Variants in PTOV1 observed in about 807,000 individuals in gnomAD.
The protein encoded by PTOV1 is PTOV1 extended AT-hook containing adaptor protein, also known as prostate tumor-overexpressed gene 1 protein.
A neutral mutation model predicts 58.0 loss-of-function variants in PTOV1; 20 were observed. The observed-to-expected ratio is 0.34, with a 90% CI of 0.24 to 0.50. The LOEUF (loss-of-function observed/expected upper bound fraction) is 0.50. Ranked by LOEUF, PTOV1 falls within the 20% of genes least tolerant of loss-of-function variation. The probability of loss-of-function intolerance (pLI) is 0.98; values close to 1 mark genes in which losing one functional copy is unlikely to be tolerated. For synonymous variants in PTOV1, 335 were observed against 234.2 expected, an observed-to-expected ratio of 1.43 and a Z score of -3.93; for missense variants, 593 against 565.4, an observed-to-expected ratio of 1.05 and a Z score of -0.50.
chr19:49,852,636 G>A (rs917400097), intron 1 of PTOV1: 1 of 152,166 alleles, frequency 6.6e-6, no homozygotes, highest in Non-Finnish European at 1.5e-5. Context: ...TGGGTTTTAG[G>A]CAAGCATATG....
At chr19:49,857,355 GGA>G in intron 6 of PTOV1, 4 of 650,358 alleles carry the variant, frequency 6.2e-6, no homozygotes, top group Non-Finnish European at 1.0e-5. Context: ...GCGGCGGCAG[GGA>G]AGCCAGCGGA....
chr19:49,851,248 G>A, exon 1 of PTOV1: 2 of 1,123,054 alleles, frequency 1.8e-6, no homozygotes, highest in Non-Finnish European at 2.2e-6. Context: ...GCGCGCCCGC[G>A]CCCGCGCCCC....
intron 5 of PTOV1, chr19:49,855,298 T>A: frequency 1.8e-6 from 1 of 570,002 alleles, no homozygotes; most frequent in South Asian, 2.0e-5. Flanking sequence ...TCTGCATCTG[T>A]GCCCAGCTTC....
At chr19:49,857,027 T>C (rs1422645024) in exon 6 of PTOV1, 1 of 1,614,018 alleles carries the variant, frequency 6.2e-7, no homozygotes. Context: ...CGCGTGCTCA[T>C]GCTCCTGTAC....
intron 8 of PTOV1, 33 bp from the exon 9 acceptor site, chr19:49,858,024 G>A: frequency 6.2e-7 from 1 of 1,613,706 alleles, no homozygotes; most frequent in South Asian, 1.1e-5. Context: ...GGGAGCTGGG[G>A]CTTCCTGACC....
intron 6 of PTOV1, 134 bp downstream of exon 6, chr19:49,857,264 G>A (rs2074513866): frequency 7.7e-7 from 1 of 1,293,170 alleles, no homozygotes; most frequent in Non-Finnish European, 1.1e-6. Context: ...GAGCCCGGAG[G>A]ATGCCGGGCG....
chr19:49,855,559 A>G lies in PTOV1; in HGVS notation c.558+482A>G, dbSNP rs571560529. On this transcript the variant is annotated intron_variant, in intron 5 of 11. Coordinates refer to ENST00000391842, the Ensembl canonical transcript of PTOV1. Reference sequence around the variant, plus strand: ...GGGTGCTGAAGCAGGCGCGGTGAGTAGGTCCTCAGGCCTGGCTCCAAGGGG... The same window carrying G: ...GGGTGCTGAAGCAGGCGCGGTGAGTGGGTCCTCAGGCCTGGCTCCAAGGGG... 7.5e-5 allele frequency: 14 copies of G among 187,130 alleles called. No homozygotes were observed. The East Asian group carries it at 1.8e-3, about 25-fold the overall frequency. The allele number at this position is 187,130 out of a possible 1,614,324, so 11.6% of individuals were successfully genotyped here.
At position 49,854,368 on chromosome 19, in the gene PTOV1, G is replaced by A. The variant is rs199978768; in HGVS notation, c.172-38G>A. 2.2e-4 allele frequency: 351 copies of A among 1,584,996 alleles called. 2 individuals carry two copies. The African/African-American group carries it at 4.3e-3, about 19-fold the overall frequency. Reference sequence around the variant, plus strand: ...GGGACTGCCTGTCCTTGCAGGCCCCGGCCTCAGTTTTCCCACCTATCCCCC... The same window carrying A: ...GGGACTGCCTGTCCTTGCAGGCCCCAGCCTCAGTTTTCCCACCTATCCCCC... On this transcript the variant is annotated intron_variant, in intron 1 of 11. Transcript: ENST00000391842.
chr19:49,850,929 G>T (rs983432598), upstream of PTOV1: 1 of 1,535,810 alleles, frequency 6.5e-7, no homozygotes, highest in African/African-American at 1.4e-5. Context: ...GCTTGGTGTC[G>T]CCTTCGTTCT....
exon 5 of PTOV1, chr19:49,855,033 T>G: frequency 1.2e-6 from 2 of 1,600,436 alleles, no homozygotes; most frequent in Non-Finnish European, 1.7e-6. Context: ...CAACAGAGAC[T>G]GCGACTCGCT....
At chr19:49,855,385 C>T (rs2074418429) in intron 5 of PTOV1, 1 of 429,134 alleles carries the variant, frequency 2.3e-6, no homozygotes, top group Non-Finnish European at 4.4e-6. Context: ...GTCGGGGACA[C>T]ATAGCGTATG....
intron 1 of PTOV1, among the ~76,000 whole-genome samples, chr19:49,853,895 C>T (rs2074356239): frequency 6.6e-6 from 1 of 152,180 alleles, no homozygotes; most frequent in African/African-American, 2.4e-5. Context: ...CTGGCCTGAG[C>T]CAGAGGAAGG....
chr19:49,858,073 C>T, exon 9 of PTOV1: 11 of 1,614,030 alleles, frequency 6.8e-6, no homozygotes, highest in Non-Finnish European at 9.3e-6. Context: ...CGAGCAGTGG[C>T]CAAGGAAGCT....
upstream of PTOV1, chr19:49,851,117 C>A: frequency 7.4e-7 from 1 of 1,356,750 alleles, no homozygotes; most frequent in Non-Finnish European, 9.4e-7. Context: ...GCCACGCCCC[C>A]TCGGACGCGC....
At chr19:49,851,701 G>A in intron 1 of PTOV1, 4 of 1,151,580 alleles carry the variant, frequency 3.5e-6, no homozygotes, top group Non-Finnish European at 4.3e-6. Context: ...CGTTCGGGCC[G>A]GGGTGGGGGG....
At chr19:49,857,868 A>G (rs755927050) in intron 7 of PTOV1, 36 bp from the exon 8 acceptor site, 1 of 1,612,320 alleles carries the variant, frequency 6.2e-7, no homozygotes, top group Non-Finnish European at 8.5e-7. Context: ...GGGGGTCTCC[A>G]GCCCTGAGGG....
intron 1 of PTOV1, 47 bp from the exon 2 acceptor site, chr19:49,854,359 G>C (rs2074369887): frequency 5.1e-6 from 8 of 1,575,832 alleles, no homozygotes; most frequent in Non-Finnish European, 6.9e-6. Flanking sequence ...GCCTGTCCTT[G>C]CAGGCCCCGG....
At chr19:49,859,457 GGCC>G (rs2074644584) in intron 10 of PTOV1, among the ~76,000 whole-genome samples, 1 of 150,552 alleles carries the variant, frequency 6.6e-6, no homozygotes. Flanking sequence ...CAGGCATGAT[GGCC>G]ACTCAGGAGG....
intron 10 of PTOV1, 194 bp from the exon 11 acceptor site, chr19:49,859,792 G>A (rs921181106): frequency 9.7e-6 from 6 of 620,630 alleles, no homozygotes; most frequent in Non-Finnish European, 1.7e-5. Context: ...GAGCCTGTTG[G>A]CCTTTGGCCC....
Sources: allele counts gnomAD v4.1 joint callset (sites outside exome capture counted in the v4.1 genomes callset), GRCh38; gene constraint gnomAD v4.1.1; transcripts MANE v1.5; gene names NCBI Gene and HGNC (gene_info 2026-07-23, HGNC 2026-07-21).